Variants in MARCHF1 observed in about 807,000 individuals in gnomAD.
MARCHF1 encodes the protein membrane associated ring-CH-type finger 1.
In MARCHF1, 40 loss-of-function variants were observed where a neutral mutation model predicts 54.2. The ratio of observed to expected loss-of-function variants is 0.74; its 90% CI spans 0.57 to 0.96. MARCHF1 has a LOEUF of 0.96. MARCHF1 is among the 40% of genes least tolerant of loss of function. The probability of loss-of-function intolerance (pLI) is 0.00; values close to 1 mark genes in which losing one functional copy is unlikely to be tolerated. For missense variants in MARCHF1, 586 were observed against 656.5 expected, an observed-to-expected ratio of 0.89 and a Z score of 1.17; for synonymous variants, 236 against 236.3, an observed-to-expected ratio of 1.00 and a Z score of 0.01.
intron 1 of MARCHF1, among the ~76,000 whole-genome samples, chr4:164,123,128 T>C (rs188243890): frequency 2.6e-4 from 39 of 152,280 alleles, no homozygotes; most frequent in Non-Finnish European, 5.4e-4. Flanking sequence ...GGATACAAAA[T>C]GAACATAGAA....
At chr4:163,808,061 T>C (rs1748274843) in intron 4 of MARCHF1, among the ~76,000 whole-genome samples, 1 of 152,236 alleles carries the variant, frequency 6.6e-6, no homozygotes, top group African/African-American at 2.4e-5. Context: ...CTGCTACCTT[T>C]CTGTTGTGCT....
intron 3 of MARCHF1, among the ~76,000 whole-genome samples, chr4:163,910,489 T>TTTGTTG (rs143290013): frequency 1.3e-5 from 2 of 151,796 alleles, no homozygotes; most frequent in South Asian, 2.1e-4. Flanking sequence ...ATAGCAATCT[T>TTTGTTG]TTGTTGTTGT....
chr4:164,032,059 G>A (rs546277352), intron 2 of MARCHF1, among the ~76,000 whole-genome samples: 7 of 152,240 alleles, frequency 4.6e-5, no homozygotes, highest in African/African-American at 1.7e-4. Context: ...GTTTAGTCTT[G>A]GGAGGGGATA....
At chr4:163,795,771 C>G (rs918592612) in intron 4 of MARCHF1, among the ~76,000 whole-genome samples, 9 of 152,266 alleles carry the variant, frequency 5.9e-5, no homozygotes, top group Admixed American at 2.6e-4. Context: ...CACTGGCCCC[C>G]ACATGTAGTC....
At chr4:163,895,040 AT>A (rs1750774760) in intron 3 of MARCHF1, among the ~76,000 whole-genome samples, 2 of 151,902 alleles carry the variant, frequency 1.3e-5, no homozygotes, top group African/African-American at 4.8e-5. Flanking sequence ...ATGCACACAT[AT>A]ACATATATGC....
Position 163,694,640 on chromosome 4 carries a change from T to C in MARCHF1, c.162+6173A>G, listed in dbSNP as rs998156679. 3.9e-5 allele frequency among the ~76,000 whole-genome samples: 6 copies of C among 152,140 alleles called. No homozygotes were observed. The East Asian group carries it at 1.2e-3, about 29-fold the overall frequency. On this transcript the variant is annotated intron_variant, in intron 5 of 9. Transcript: ENST00000514618. ...TTGCAAAAAAATTATCATCTCAGGA[T>C]CTGCTGTGATAAACCTGACCTAAGA...
chr4:163,557,491 T>A (rs1052150550), intron 8 of MARCHF1, among the ~76,000 whole-genome samples: 4 of 152,202 alleles, frequency 2.6e-5, no homozygotes, highest in Non-Finnish European at 5.9e-5. Flanking sequence ...AGGGGTGTGT[T>A]TTTTTGTAAT....
chr4:163,743,938 A>T (rs541493205), intron 4 of MARCHF1, among the ~76,000 whole-genome samples: 20 of 152,324 alleles, frequency 1.3e-4, no homozygotes, highest in African/African-American at 4.6e-4. Flanking sequence ...ATGACAACAC[A>T]GTTTGGCTAC....
chr4:163,899,968 T>C (rs536247510), intron 3 of MARCHF1, among the ~76,000 whole-genome samples: 1 of 152,186 alleles, frequency 6.6e-6, no homozygotes, highest in African/African-American at 2.4e-5. Flanking sequence ...TTTTTCCTAA[T>C]ATCAACATAG....
At chr4:163,780,142 C>T (rs1404084403) in intron 4 of MARCHF1, among the ~76,000 whole-genome samples, 1 of 152,134 alleles carries the variant, frequency 6.6e-6, no homozygotes, top group Non-Finnish European at 1.5e-5. Flanking sequence ...TGAAAAAGGG[C>T]CTATAGTTGT....
intron 3 of MARCHF1, among the ~76,000 whole-genome samples, chr4:163,893,174 C>T (rs1579371674): frequency 6.6e-6 from 1 of 151,894 alleles, no homozygotes; most frequent in Non-Finnish European, 1.5e-5. Context: ...GAGTCTCACT[C>T]TGTCACCCAG....
intron 1 of MARCHF1, among the ~76,000 whole-genome samples, chr4:164,333,952 T>C (rs920054436): frequency 6.6e-6 from 1 of 152,214 alleles, no homozygotes; most frequent in Admixed American, 6.5e-5. Context: ...CCAGCCACAA[T>C]ATTCCTTTAA....
At chr4:163,638,558 A>G (rs1579144088) in intron 5 of MARCHF1, among the ~76,000 whole-genome samples, 2 of 152,262 alleles carry the variant, frequency 1.3e-5, no homozygotes, top group South Asian at 2.1e-4. Flanking sequence ...TGGAGAACCA[A>G]GAGTCAATCA....
intron 2 of MARCHF1, among the ~76,000 whole-genome samples, chr4:164,025,686 C>T (rs1413263507): frequency 2.0e-5 from 3 of 150,652 alleles, no homozygotes; most frequent in African/African-American, 4.9e-5. Context: ...AACAAACCAG[C>T]CAACCCCAAA....
At chr4:163,596,423 C>T (rs1350215768) in intron 7 of MARCHF1, among the ~76,000 whole-genome samples, 6 of 151,196 alleles carry the variant, frequency 4.0e-5, no homozygotes, top group African/African-American at 1.5e-4. Context: ...GCCTGTAATC[C>T]CAGTTGTTTG....
In MARCHF1 at chr4:163,713,666, T is replaced by TA. The variant is rs202171724; in HGVS notation, c.112-12804dup. 1.8e-4 allele frequency among the ~76,000 whole-genome samples: 28 copies of TA among 152,286 alleles called. 1 individual carries two copies. Among genetic ancestry groups the TA allele is most frequent in the African/African-American group, 4.1e-4 (17 of 41,562 alleles). Reference sequence around the variant, plus strand: ...GTTCTGAAGGCATTTCTTCTAAATGTAAAAAAATTAGTTTCAGAAATATGC... The same window carrying TA: ...GTTCTGAAGGCATTTCTTCTAAATGTAAAAAAAATTAGTTTCAGAAATATGC... On this transcript the variant is annotated intron_variant, in intron 4 of 9. Coordinates refer to ENST00000514618, the MANE Select transcript of MARCHF1 (RefSeq NM_001394959.1).
chr4:163,627,724 T>C (rs1265333763), intron 5 of MARCHF1, among the ~76,000 whole-genome samples: 2 of 151,770 alleles, frequency 1.3e-5, no homozygotes, highest in Non-Finnish European at 2.9e-5. Flanking sequence ...ACTAAAACCA[T>C]AAAATACAAT....
chr4:164,234,998 T>G lies in MARCHF1; in HGVS notation c.-322-123336A>C, dbSNP rs12640094. ...TCAGGCTAAGGTATCCATACTTTTG[T>G]CACCCTTTTTATGTTTTTCCCGCTA... On this transcript the variant is annotated intron_variant, in intron 1 of 9. Coordinates refer to ENST00000514618, the MANE Select transcript of MARCHF1 (RefSeq NM_001394959.1). The G allele has an allele frequency of 1.3e-4, 20 of 152,250 alleles. No homozygotes were observed. In the East Asian group the frequency reaches 3.9e-3, roughly 29 times the overall value. The allele number at this position is 152,250 out of a possible 1,614,324, so 9.4% of individuals were successfully genotyped here.
intron 3 of MARCHF1, among the ~76,000 whole-genome samples, chr4:163,915,442 A>G (rs540538542): frequency 6.6e-6 from 1 of 152,174 alleles, no homozygotes; most frequent in Non-Finnish European, 1.5e-5. Flanking sequence ...CACAACCAAG[A>G]AAAGCAAAAG....
Sources: gnomAD v4.1 joint callset for allele counts (sites outside exome capture counted in the v4.1 genomes callset) on GRCh38, gnomAD v4.1.1 for gene constraint, MANE v1.5 for transcripts, NCBI Gene and HGNC (gene_info 2026-07-23, HGNC 2026-07-21) for gene names.